ZNF512B: variants seen among roughly 807,000 people sequenced by gnomAD.
ZNF512B encodes zinc finger protein 512B.
ZNF512B carries 22 observed loss-of-function variants against 87.8 expected under a neutral mutation model. That is an observed-to-expected ratio of 0.25 (90% confidence interval 0.18 to 0.36). The LOEUF (loss-of-function observed/expected upper bound fraction) is 0.36, where lower values mean the gene tolerates loss of function less well. ZNF512B is among the 10% of genes least tolerant of loss of function. The pLI is 1.00. For missense variants in ZNF512B, 1,060 were observed against 1,231.6 expected (o/e 0.86, Z 2.09); for synonymous variants, 524 against 490.9 (o/e 1.07, Z -0.89).
At chr20:63,960,443 T>G (rs1297008145) in intron 16 of ZNF512B, among the ~76,000 whole-genome samples, 25 of 130,292 alleles carry the variant, frequency 1.9e-4, no homozygotes, top group South Asian at 5.4e-4. Context: ...CACAGCCTTC[T>G]GGACCAGGCA....
rs2058846400 is a variant in ZNF512B at position 63,961,142 on chromosome 20, C to T, written c.2427+167G>A. ...AGCCTCCCAGTTCTCCCAGGGAAGC[C>T]AGACCCCACTTTGAGGAGAAACTAC... On this transcript the variant is annotated intron_variant, in intron 16 of 16. Coordinates refer to ENST00000369888, the MANE Select transcript of ZNF512B (RefSeq NM_020713.3). This position sits in a 1 kb window ranked among gnomAD's most constrained non-coding sequence, Gnocchi z 6.4. Among the ~76,000 whole-genome samples, 1 of 152,208 alleles carries T rather than the reference C, an allele frequency of 6.6e-6. No individual in the cohort carries two copies. Among genetic ancestry groups the T allele is most frequent in the African/African-American group, 2.4e-5 (1 of 41,442 alleles).
chr20:63,969,156 C>T, intron 1 of ZNF512B: 2 of 985,472 alleles, frequency 2.0e-6, no homozygotes, highest in Non-Finnish European at 2.4e-6. Flanking sequence ...GAGACAGGGC[C>T]GGCATGAGTC....
At chr20:63,963,524 C>T (rs1203309952) in intron 10 of ZNF512B, 84 bp from the exon 11 acceptor site, 7 of 1,585,458 alleles carry the variant, frequency 4.4e-6, no homozygotes, top group East Asian at 4.5e-5. Context: ...TGTTGGGCCA[C>T]CGTTGTCCGA....
chr20:63,964,419 A>G (rs1475650704), intron 6 of ZNF512B, 28 bp from the exon 7 acceptor site: 6 of 1,613,782 alleles, frequency 3.7e-6, no homozygotes, highest in African/African-American at 2.7e-5. Context: ...AACGGGGGCC[A>G]AGATTCTGGT....
In ZNF512B at chr20:63,966,431, G is replaced by A; in HGVS notation, c.744C>T (p.Val248=). The A allele has an allele frequency of 1.2e-6, 2 of 1,614,054 alleles. No homozygotes were observed. The highest frequency in any genetic ancestry group is 1.1e-5 in the South Asian group (1 of 91,070). ...KPVTVSRPMP[V]TKAMPVTKPI... is the part of the protein sequence containing the mutation. ...GTTTGGTGACCGGCATGGCCTTGGTGACGGGCATGGGCCTGCTGACTGTGA... is the reference window on the plus strand; with the variant it reads ...GTTTGGTGACCGGCATGGCCTTGGTAACGGGCATGGGCCTGCTGACTGTGA... The change falls in exon 5 of 17, where the codon GTC becomes GTT. Residue 248 remains valine (V), a synonymous_variant. Coordinates refer to ENST00000369888, the MANE Select transcript of ZNF512B (RefSeq NM_020713.3).
rs2058944562 is a variant in ZNF512B at position 63,967,915 on chromosome 20, G to A, written c.36C>T (p.Leu12=). ...TDPFCVGGRR[L]PGSSKSGPGK... ...CGGGACCACTCTTGCTGGACCCCGG[G>A]AGCCGACGGCCTCCAACGCAGAAAG... The change falls in exon 2 of 17, where the codon CTC becomes CTT. Residue 12 remains leucine (L), a synonymous_variant. Transcript: ENST00000369888. The A allele has an allele frequency of 1.2e-6, 2 of 1,612,592 alleles. No homozygotes were observed. The highest frequency in any genetic ancestry group is 2.2e-5 in the South Asian group (2 of 91,084).
In ZNF512B at chr20:63,963,626, T is replaced by A. The variant is rs1177734102; in HGVS notation, c.1690A>T (p.Ser564Cys). 4 of 1,613,470 alleles carry A rather than the reference T, an allele frequency of 2.5e-6. No homozygotes were observed. The highest frequency in any genetic ancestry group is 3.4e-6 in the Non-Finnish European group (4 of 1,179,996). Residue 564 changes from serine to cysteine, a missense_variant, in exon 10 of 17, where the codon AGT becomes TGT. Ser to Cys is a moderately radical substitution (Grantham distance 112). Transcript: ENST00000369888. ...GLNYHTMAEH[S>C]AKPSDAEASE... is the part of the protein sequence containing the mutation. ...TGGGGGCCCGACGGTACCTTGGCAC[T>A]GTGCTCGGCCATAGTGTGGTAGTTG...
intron 2 of ZNF512B, 75 bp from the exon 3 acceptor site, chr20:63,967,598 T>C: frequency 6.6e-7 from 1 of 1,510,584 alleles, no homozygotes. Context: ...AGGCCCACAG[T>C]GAGCACCGCT....
rs1257574505 is a variant in ZNF512B, at chr20:63,957,549, G to GC, written c.*2338dup. On this transcript the variant is annotated 3_prime_UTR_variant, in exon 17 of 17. Transcript: ENST00000369888. ...GACCCAACAGCCACTTCTGGCAGTAGCCCCCACGCCTACCTTAAAGACAAA... is the reference window on the plus strand; with the variant it reads ...GACCCAACAGCCACTTCTGGCAGTAGCCCCCCACGCCTACCTTAAAGACAAA... The GC allele has an allele frequency of 6.6e-6, 1 of 152,644 alleles. No homozygotes were observed. The highest frequency in any genetic ancestry group is 2.4e-5 in the African/African-American group (1 of 41,430). The allele number at this position is 152,644 out of a possible 1,614,324, so 9.5% of individuals were successfully genotyped here. A position where few individuals can be genotyped will look rare whatever the true frequency, so the allele number is the denominator to read the frequency against.
At chr20:63,967,032 G>T in intron 3 of ZNF512B, 28 bp from the exon 4 acceptor site, 1 of 1,611,848 alleles carries the variant, frequency 6.2e-7, no homozygotes, top group South Asian at 1.1e-5. Flanking sequence ...TGGTGCTGCT[G>T]ACCCGCAGCC....
At chr20:63,969,035 G>A (rs2058954854) in intron 1 of ZNF512B, 2 of 834,950 alleles carry the variant, frequency 2.4e-6, no homozygotes, top group African/African-American at 1.8e-5. Context: ...TGTCCAGGAG[G>A]GCCAGAGAGC....
intron 12 of ZNF512B, 24 bp downstream of exon 12, chr20:63,963,071 G>A (rs1158529688): frequency 2.0e-6 from 3 of 1,530,468 alleles, no homozygotes; most frequent in South Asian, 1.2e-5. Context: ...CAAGCACTGT[G>A]CCACAGAACA....
rs1195293260 is a variant in ZNF512B at position 63,963,619 on chromosome 20, T to C, written c.1697A>G (p.Lys566Arg). The change falls in exon 10 of 17, where the codon AAG becomes AGG. Residue 566 changes from lysine to arginine, a missense_variant and splice_region_variant. This residue lies in a region of ZNF512B where 165 missense variants were observed against 173.0 expected (regional missense o/e 0.95). Coordinates refer to ENST00000369888, the MANE Select transcript of ZNF512B (RefSeq NM_020713.3). ...NYHTMAEHSAKPSDAEASEGG... is the reference protein window; with the variant it reads ...NYHTMAEHSARPSDAEASEGG... ...CGGGAGCTGGGGGCCCGACGGTACC[T>C]TGGCACTGTGCTCGGCCATAGTGTG... The C allele has an allele frequency of 8.7e-6, 14 of 1,613,410 alleles. No individual in the cohort carries two copies. Among genetic ancestry groups the C allele is most frequent in the African/African-American group, 1.3e-5 (1 of 74,942 alleles).
chr20:63,963,035 C>A, intron 12 of ZNF512B, 60 bp downstream of exon 12: 1 of 1,474,266 alleles, frequency 6.8e-7, no homozygotes, highest in African/African-American at 1.4e-5. Context: ...ACCCAAGGCA[C>A]ACGGAACACA....
rs144894825 is a variant in ZNF512B at position 63,958,725 on chromosome 20, C to T, written c.*1163G>A. Reference sequence around the variant, plus strand: ...CCTCAGGGCCACAAAGGGGCAAAGACAGCTCTGGAGCTGCCATCAACCTGC... The same window carrying T: ...CCTCAGGGCCACAAAGGGGCAAAGATAGCTCTGGAGCTGCCATCAACCTGC... On this transcript the variant is annotated 3_prime_UTR_variant, in exon 17 of 17. Transcript: ENST00000369888. The T allele has an allele frequency of 4.7e-3, 724 of 152,484 alleles. 3 individuals carry two copies. The highest frequency in any genetic ancestry group is 6.5e-3 in the Non-Finnish European group (445 of 68,114). The allele number at this position is 152,484 out of a possible 1,614,324, so 9.4% of individuals were successfully genotyped here. A position where few individuals can be genotyped will look rare whatever the true frequency, so the allele number is the denominator to read the frequency against.
chr20:63,967,769 C>T, intron 2 of ZNF512B, 61 bp downstream of exon 2: 4 of 1,580,246 alleles, frequency 2.5e-6, no homozygotes, highest in Non-Finnish European at 3.5e-6. Flanking sequence ...GGCAATGGTC[C>T]ACTCCTACCA....
rs549087726 is a variant in ZNF512B, at chr20:63,957,858, C to T, written c.*2030G>A. 3.3e-5 allele frequency: 5 copies of T among 151,308 alleles called. No homozygotes were observed. The highest frequency in any genetic ancestry group is 6.6e-5 in the Admixed American group (1 of 15,220). The allele number at this position is 151,308 out of a possible 1,614,324, so 9.4% of individuals were successfully genotyped here. A position where few individuals can be genotyped will look rare whatever the true frequency, so the allele number is the denominator to read the frequency against. The stretch of plus-strand genomic sequence containing the variant: ...CCCTCCCCTCCCCTCATGAGGCTGC[C>T]CCAGCAGCAGCTGCCAGACCCCACC... On this transcript the variant is annotated 3_prime_UTR_variant, in exon 17 of 17. Transcript: ENST00000369888.
Position 63,966,953 on chromosome 20 carries a change from T to G in ZNF512B, c.316A>C (p.Lys106Gln). ...AGCCAGCACCCTGAGTTTGGACACT[T>G]CACCCTCGAGTGTGCCTTGAACTCA... The part of the protein sequence containing the change: ...KDEFKAHSRV[K>Q]CPNSGCWLEF... Residue 106 changes from lysine (K) to glutamine (Q), a missense_variant, in exon 4 of 17, where the codon AAG (lysine) becomes CAG (glutamine). By Grantham distance (53) the Lys-to-Gln change is moderately conservative. Around this residue, in one of 9 missense-constraint regions of ZNF512B, gnomAD observed 134 missense variants for 153.6 expected, o/e 0.87. Coordinates refer to ENST00000369888, the MANE Select transcript of ZNF512B (RefSeq NM_020713.3). 9 of 1,613,736 alleles carry G rather than the reference T, an allele frequency of 5.6e-6. No individual in the cohort carries two copies. Among genetic ancestry groups the G allele is most frequent in the Non-Finnish European group, 7.6e-6 (9 of 1,180,028 alleles).
At chr20:63,968,875 T>C (rs2058953556) in intron 1 of ZNF512B, among the ~76,000 whole-genome samples, 2 of 152,180 alleles carry the variant, frequency 1.3e-5, no homozygotes, top group African/African-American at 4.8e-5. Flanking sequence ...TCCTGAGAGC[T>C]GGGGAGCAGA....
Sources: gnomAD v4.1 joint callset for allele counts (sites outside exome capture counted in the v4.1 genomes callset) on GRCh38, gnomAD v4.1.1 for gene constraint, gnomAD v4.1.1 regional missense constraint, Gnocchi (gnomAD v3.1) non-coding constraint, MANE v1.5 for transcripts, NCBI Gene and HGNC (gene_info 2026-07-23, HGNC 2026-07-21) for gene names.